Variants in CCSER1 observed in about 807,000 individuals in gnomAD.
CCSER1 encodes the protein serine-rich coiled-coil domain-containing protein 1.
Under a neutral mutation model 82.0 loss-of-function variants are expected in CCSER1, and 41 were observed. The ratio of observed to expected loss-of-function variants is 0.50; its 90% CI spans 0.39 to 0.65. CCSER1 has a LOEUF of 0.65. CCSER1 is among the 30% of genes least tolerant of loss of function. CCSER1 has a pLI of 0.00. For missense variants in CCSER1, 1,119 were observed against 1,064.2 expected, an observed-to-expected ratio of 1.05 and a Z score of -0.72; for synonymous variants, 414 against 383.9, an observed-to-expected ratio of 1.08 and a Z score of -0.92.
intron 7 of CCSER1, among the ~76,000 whole-genome samples, chr4:90,789,026 A>ACC (rs2149650297): frequency 6.9e-6 from 1 of 145,602 alleles, no homozygotes; most frequent in Admixed American, 6.8e-5. Flanking sequence ...ACACACACAC[A>ACC]CCATCTCAAT....
At chr4:90,799,351 G>GGGAC (rs1241993592) in intron 7 of CCSER1, among the ~76,000 whole-genome samples, 1 of 152,182 alleles carries the variant, frequency 6.6e-6, no homozygotes, top group Non-Finnish European at 1.5e-5. Context: ...CGGAGGGTGG[G>GGGAC]GGACAGACAG....
chr4:91,116,186 A>G (rs1324925469), intron 10 of CCSER1, among the ~76,000 whole-genome samples: 2 of 152,138 alleles, frequency 1.3e-5, no homozygotes, highest in Non-Finnish European at 2.9e-5. Context: ...ATGTTCAACA[A>G]TGATAGACTG....
At chr4:90,214,223 A>G (rs1740596777) in intron 1 of CCSER1, among the ~76,000 whole-genome samples, 1 of 152,102 alleles carries the variant, frequency 6.6e-6, no homozygotes, top group South Asian at 2.1e-4. Context: ...AGAAAGGGAG[A>G]TTACATGGAC....
intron 6 of CCSER1, among the ~76,000 whole-genome samples, chr4:90,712,714 C>G (rs1580096556): frequency 2.0e-5 from 3 of 151,724 alleles, no homozygotes; most frequent in South Asian, 2.1e-4. Flanking sequence ...TCTCGGTGAT[C>G]TGCCTAATAT....
At chr4:90,701,213 T>C (rs1738043803) in intron 6 of CCSER1, among the ~76,000 whole-genome samples, 3 of 152,218 alleles carry the variant, frequency 2.0e-5, no homozygotes, top group African/African-American at 4.8e-5. Flanking sequence ...GCTAGCCAGT[T>C]TTCCCAGCAC....
At chr4:90,142,009 G>C (rs766529011) in intron 1 of CCSER1, among the ~76,000 whole-genome samples, 1 of 152,182 alleles carries the variant, frequency 6.6e-6, no homozygotes, top group Non-Finnish European at 1.5e-5. Context: ...TTTATTGATA[G>C]TCTTGCTCTT....
Position 90,171,693 on chromosome 4 carries a change from A to G in CCSER1, c.-42+43862A>G, listed in dbSNP as rs746852301. On this transcript the variant is annotated intron_variant, in intron 1 of 10. Coordinates refer to ENST00000509176, the MANE Select transcript of CCSER1 (RefSeq NM_001145065.2). ...CTGGGCTTCTTTACTTAGCAGCACA[A>G]TGAGCAACGGTGTACCCTGAGCACA... Among the ~76,000 whole-genome samples, 9 of 151,914 alleles carry G rather than the reference A, an allele frequency of 5.9e-5. 1 individual carries two copies. The highest frequency in any genetic ancestry group is 5.3e-4 in the Admixed American group (8 of 15,208).
rs189691523 is a variant in CCSER1 at position 91,378,583 on chromosome 4, C to A, written c.2218-219989C>A. ...TATTGGTGTATAAGAATGCTTGTGA[C>A]TTTTGCACATTGATTTTGTATCCTG... On this transcript the variant is annotated intron_variant, in intron 10 of 10. Transcript: ENST00000509176. 2.1e-3 allele frequency among the ~76,000 whole-genome samples: 323 copies of A among 152,156 alleles called. 2 individuals are homozygous for A. Among genetic ancestry groups the A allele is most frequent in the African/African-American group, 7.5e-3 (313 of 41,516 alleles).
intron 9 of CCSER1, among the ~76,000 whole-genome samples, chr4:90,938,166 A>T (rs1375916492): frequency 6.6e-6 from 1 of 152,090 alleles, no homozygotes; most frequent in Non-Finnish European, 1.5e-5. Flanking sequence ...AAGTTTAGAG[A>T]CTAAAATATA....
At chr4:91,421,560 C>G (rs1753684065) in intron 10 of CCSER1, among the ~76,000 whole-genome samples, 1 of 152,058 alleles carries the variant, frequency 6.6e-6, no homozygotes, top group Admixed American at 6.6e-5. Context: ...GATTCAAATG[C>G]TAATCTCTTC....
intron 10 of CCSER1, among the ~76,000 whole-genome samples, chr4:91,126,213 G>C (rs758807223): frequency 1.3e-5 from 2 of 151,770 alleles, no homozygotes; most frequent in South Asian, 4.1e-4. Flanking sequence ...AACTAAAGAT[G>C]CCTCTGTTAA....
At chr4:91,198,482 G>T (rs1735634230) in intron 10 of CCSER1, among the ~76,000 whole-genome samples, 2 of 152,104 alleles carry the variant, frequency 1.3e-5, no homozygotes, top group Admixed American at 1.3e-4. Context: ...AAATGAGAGG[G>T]TTCTGTAGAA....
At chr4:91,346,422 G>A (rs1195346823) in intron 10 of CCSER1, among the ~76,000 whole-genome samples, 1 of 152,290 alleles carries the variant, frequency 6.6e-6, no homozygotes, top group East Asian at 1.9e-4. Context: ...TATGGCAATT[G>A]TGATTAAAAC....
chr4:91,598,716 C>A lies in CCSER1; in HGVS notation c.2362C>A (p.Leu788Ile). The A allele has an allele frequency of 6.4e-7, 1 of 1,551,530 alleles. No individual in the cohort carries two copies. Among genetic ancestry groups the A allele is most frequent in the Non-Finnish European group, 8.7e-7 (1 of 1,146,918 alleles). Reference sequence around the variant, plus strand: ...AAACAAGACCTGTCAACTCCCAAGTCTCTGTTTAAGTAATTTCCTGAAGGA... The same window carrying A: ...AAACAAGACCTGTCAACTCCCAAGTATCTGTTTAAGTAATTTCCTGAAGGA... ...YKNKTCQLPS[L>I]CLSNFLKDKE... The change falls in exon 11 of 11, where the codon CTC becomes ATC. Residue 788 changes from leucine (L) to isoleucine (I), a missense_variant. Leu to Ile is a conservative substitution (Grantham distance 5). Transcript: ENST00000509176.
intron 9 of CCSER1, among the ~76,000 whole-genome samples, chr4:91,046,962 C>T (rs1037236291): frequency 1.3e-4 from 19 of 151,924 alleles, no homozygotes; most frequent in Non-Finnish European, 1.9e-4. Context: ...GTGATCTACC[C>T]TCCTCAGCCT....
At chr4:90,296,691 A>G (rs1008886605) in intron 1 of CCSER1, among the ~76,000 whole-genome samples, 2 of 152,198 alleles carry the variant, frequency 1.3e-5, no homozygotes, top group African/African-American at 4.8e-5. Context: ...GAAGGCATCC[A>G]GTTTCAGCTT....
At chr4:91,424,924 G>A (rs937915320) in intron 10 of CCSER1, among the ~76,000 whole-genome samples, 2 of 152,020 alleles carry the variant, frequency 1.3e-5, no homozygotes, top group Non-Finnish European at 2.9e-5. Context: ...CATAGTTCTT[G>A]TTTAATTGAA....
At chr4:90,865,200 A>T (rs1162950713) in intron 8 of CCSER1, among the ~76,000 whole-genome samples, 1 of 152,014 alleles carries the variant, frequency 6.6e-6, no homozygotes, top group Admixed American at 6.6e-5. Context: ...AAAGATATAA[A>T]CATATATTGA....
At position 90,846,039 on chromosome 4, in the gene CCSER1, C is replaced by T. The variant is rs1386693203; in HGVS notation, c.2094+30194C>T. On this transcript the variant is annotated intron_variant, in intron 8 of 10. Transcript: ENST00000509176. ...GAAGGAAAGTAGCTTTGTCTAATCA[C>T]AGTAGAACACTGGATTTATTCTATA... Among the ~76,000 whole-genome samples the T allele has an allele frequency of 2.0e-5, 3 of 152,122 alleles. No homozygotes were observed. The East Asian group carries it at 5.8e-4, about 29-fold the overall frequency.
Sources: gnomAD v4.1 joint callset for allele counts (sites outside exome capture counted in the v4.1 genomes callset) on GRCh38, gnomAD v4.1.1 for gene constraint, MANE v1.5 for transcripts, NCBI Gene and HGNC (gene_info 2026-07-23, HGNC 2026-07-21) for gene names.